The following DAG1 variants were observed in gnomAD, a reference collection of about 807,000 sequenced individuals.
DAG1 encodes dystroglycan 1, also known as dystroglycan 1 (dystrophin-associated glycoprotein 1).
Under a neutral mutation model 46.1 loss-of-function variants are expected in DAG1, and 8 were observed. The observed-to-expected ratio is 0.17, with a 90% CI of 0.10 to 0.31. The LOEUF is 0.31. Ranked by LOEUF, DAG1 falls within the 10% of genes least tolerant of loss-of-function variation. DAG1 has a pLI of 1.00. For missense variants in DAG1, 1,003 were observed against 1,189.9 expected (o/e 0.84, Z 2.31); for synonymous variants, 495 against 481.8 (o/e 1.03, Z -0.36).
At chr3:49,502,505 C>T (rs2050479858) in intron 1 of DAG1, among the ~76,000 whole-genome samples, 1 of 152,108 alleles carries the variant, frequency 6.6e-6, no homozygotes, top group Non-Finnish European at 1.5e-5. Flanking sequence ...GCCACCTGGT[C>T]CCATGGGCCT....
At chr3:49,473,409 G>A (rs1010761000) in intron 1 of DAG1, among the ~76,000 whole-genome samples, 8 of 151,814 alleles carry the variant, frequency 5.3e-5, no homozygotes, top group Admixed American at 3.3e-4. Context: ...GCGACAGAGC[G>A]AGACTCCGTC....
intron 2 of DAG1, chr3:49,511,021 A>G (rs2050748464): frequency 1.6e-5 from 15 of 958,464 alleles, no homozygotes; most frequent in South Asian, 4.8e-5. Flanking sequence ...TCTTGTTCCT[A>G]TTCTGAGGGC....
chr3:49,526,113 A>T (rs543975830), intron 2 of DAG1, among the ~76,000 whole-genome samples: 1 of 152,302 alleles, frequency 6.6e-6, no homozygotes, highest in South Asian at 2.1e-4. Context: ...AGCCTCCCAA[A>T]GTACTAGGAT....
chr3:49,502,681 T>G (rs11708955), intron 1 of DAG1, among the ~76,000 whole-genome samples: 1 of 146,780 alleles, frequency 6.8e-6, no homozygotes, highest in Admixed American at 6.9e-5. Context: ...CTCTGTCGCC[T>G]AGGCTGGAGT....
At chr3:49,494,858 C>G (rs1349482476) in intron 1 of DAG1, among the ~76,000 whole-genome samples, 3 of 150,762 alleles carry the variant, frequency 2.0e-5, no homozygotes, top group African/African-American at 7.3e-5. Flanking sequence ...TGGTCTCGAT[C>G]TCTTGACCTT....
rs549774609 is a variant in DAG1, at chr3:49,516,340, C to G, written c.285+5521C>G. Among the ~76,000 whole-genome samples the G allele has an allele frequency of 2.6e-5, 4 of 152,354 alleles. 1 individual carries two copies. The highest frequency in any genetic ancestry group is 9.6e-5 in the African/African-American group (4 of 41,580). On this transcript the variant is annotated intron_variant, in intron 2 of 2. Coordinates refer to ENST00000308775, the MANE Select transcript of DAG1 (RefSeq NM_004393.6). ...CAAACCTGTTTTGGATTGTCAAAGC[C>G]TGCCTTGCTGTATGCAGGGAGAAAT...
chr3:49,487,594 G>A (rs891892100), intron 1 of DAG1, among the ~76,000 whole-genome samples: 1 of 151,988 alleles, frequency 6.6e-6, no homozygotes, highest in African/African-American at 2.4e-5. Context: ...TGGCCCAGGA[G>A]GTGCCTTGGT....
At chr3:49,495,410 C>T (rs2050284900) in intron 1 of DAG1, among the ~76,000 whole-genome samples, 1 of 152,222 alleles carries the variant, frequency 6.6e-6, no homozygotes, top group Admixed American at 6.5e-5. Flanking sequence ...AGCCTCACAC[C>T]TAGCACAGGG....
At chr3:49,487,692 CTTTTTTTT>C (rs10686005) in intron 1 of DAG1, among the ~76,000 whole-genome samples, 3 of 105,718 alleles carry the variant, frequency 2.8e-5, no homozygotes, top group Non-Finnish European at 3.6e-5. Context: ...CCCATACATT[CTTTTTTTT>C]TTTTTTTTTT....
intron 1 of DAG1, among the ~76,000 whole-genome samples, chr3:49,478,546 T>TA (rs2049763719): frequency 3.4e-5 from 5 of 147,606 alleles, no homozygotes; most frequent in Non-Finnish European, 6.0e-5. Context: ...TTTTTTTTTT[T>TA]TTTTTAAATT....
intron 1 of DAG1, among the ~76,000 whole-genome samples, chr3:49,509,928 C>CGTAGAG: frequency 6.6e-6 from 1 of 152,200 alleles, no homozygotes; most frequent in South Asian, 2.1e-4. Flanking sequence ...GGGATTTTAC[C>CGTAGAG]ATGTTGGCCA....
chr3:49,508,719 A>G (rs985639817), intron 1 of DAG1, among the ~76,000 whole-genome samples: 3 of 151,044 alleles, frequency 2.0e-5, no homozygotes, highest in Admixed American at 1.3e-4. Flanking sequence ...AGTAGAGACA[A>G]GATTTCACCA....
intron 1 of DAG1, among the ~76,000 whole-genome samples, chr3:49,503,851 AT>A (rs1360493199): frequency 6.6e-6 from 1 of 152,102 alleles, no homozygotes; most frequent in Non-Finnish European, 1.5e-5. Flanking sequence ...GAAAAAAGAA[AT>A]TTAAAGGTTT....
At chr3:49,528,527 C>T (rs1484277269) in intron 2 of DAG1, among the ~76,000 whole-genome samples, 2 of 151,722 alleles carry the variant, frequency 1.3e-5, no homozygotes, top group East Asian at 3.9e-4. Context: ...TCAAGTGATC[C>T]ACCCGCCTCA....
At chr3:49,521,401 G>A (rs2051024286) in intron 2 of DAG1, among the ~76,000 whole-genome samples, 1 of 152,040 alleles carries the variant, frequency 6.6e-6, no homozygotes, top group African/African-American at 2.4e-5. Flanking sequence ...TCCTGACCTC[G>A]TGATCCACCC....
chr3:49,496,008 A>G (rs910202812), intron 1 of DAG1, among the ~76,000 whole-genome samples: 2 of 152,062 alleles, frequency 1.3e-5, no homozygotes, highest in East Asian at 3.9e-4. Context: ...GCCTCAGTTT[A>G]TCCTTTTCTG....
intron 2 of DAG1, among the ~76,000 whole-genome samples, chr3:49,517,485 G>C (rs558906267): frequency 2.6e-5 from 4 of 152,302 alleles, no homozygotes; most frequent in African/African-American, 9.6e-5. Flanking sequence ...GGAAGAGAGA[G>C]ACACACTGGG....
intron 1 of DAG1, among the ~76,000 whole-genome samples, chr3:49,478,789 T>TGTC (rs1048276053): frequency 2.1e-5 from 3 of 140,302 alleles, no homozygotes; most frequent in Admixed American, 1.5e-4. Context: ...AAAAGTCTCT[T>TGTC]GTCGTCCCCT....
Position 49,477,993 on chromosome 3 carries a change from G to A in DAG1, c.-117+7560G>A, listed in dbSNP as rs1284936790. On this transcript the variant is annotated intron_variant, in intron 1 of 2. Coordinates refer to ENST00000308775, the MANE Select transcript of DAG1 (RefSeq NM_004393.6). ...AAAAGTGGAAAGAAAAGGACTGGGCGTGGTGGCTCACACCTGTAATCCCAG... is the reference window on the plus strand; with the variant it reads ...AAAAGTGGAAAGAAAAGGACTGGGCATGGTGGCTCACACCTGTAATCCCAG... 2.6e-5 allele frequency among the ~76,000 whole-genome samples: 4 copies of A among 151,846 alleles called. No individual in the cohort carries two copies. In the East Asian group the frequency reaches 5.8e-4, roughly 22 times the overall value.
Sources: allele counts gnomAD v4.1 joint callset (sites outside exome capture counted in the v4.1 genomes callset), GRCh38; gene constraint gnomAD v4.1.1; transcripts MANE v1.5; gene names NCBI Gene and HGNC (gene_info 2026-07-23, HGNC 2026-07-21).